PDE6B: variants seen among roughly 807,000 people sequenced by gnomAD.
The protein encoded by PDE6B is rod cGMP-specific 3',5'-cyclic phosphodiesterase subunit beta.
A neutral mutation model predicts 109.0 loss-of-function variants in PDE6B; 106 were observed. The ratio of observed to expected loss-of-function variants is 0.97; its 90% CI spans 0.83 to 1.14. The LOEUF (loss-of-function observed/expected upper bound fraction) is 1.14, where lower values mean the gene tolerates loss of function less well. Among genes scored for constraint, PDE6B ranks in the 50% most tolerant of loss-of-function variants. PDE6B has a pLI of 0.00. For synonymous variants in PDE6B, 490 were observed against 471.3 expected (o/e 1.04, Z -0.51); for missense variants, 1,193 against 1,155.6 (o/e 1.03, Z -0.47).
rs1006707862 is a variant in PDE6B at position 662,267 on chromosome 4, G to T, written c.1722+26G>T. 1.2e-5 allele frequency: 16 copies of T among 1,310,934 alleles called. No individual in the cohort carries two copies. Among genetic ancestry groups the T allele is most frequent in the Non-Finnish European group, 1.4e-5 (13 of 927,126 alleles). The allele number at this position is 1,310,934 out of a possible 1,614,324, so 81.2% of individuals were successfully genotyped here. On this transcript the variant is annotated intron_variant, in intron 13 of 21. Coordinates refer to ENST00000496514, the MANE Select transcript of PDE6B (RefSeq NM_000283.4). This position sits in a 1 kb window ranked among gnomAD's most constrained non-coding sequence, Gnocchi z 4.3. ...GTACGTGGCTGCCAGAATCACCAGG[G>T]TTGTGCAGGCCCTCCTGGTACCAAG...
rs1350929754 is a variant in PDE6B at position 664,117 on chromosome 4, G to T, written c.2025G>T (p.Lys675Asn). The change falls in exon 17 of 22, where the codon AAG (lysine) becomes AAT (asparagine). Residue 675 changes from lysine to asparagine, a missense_variant. Coordinates refer to ENST00000496514, the MANE Select transcript of PDE6B (RefSeq NM_000283.4). ...IATDLALYFKKRAMFQKIVDE... is the reference protein window; with the variant it reads ...IATDLALYFKNRAMFQKIVDE... The stretch of plus-strand genomic sequence containing the variant: ...CTCCCTTGTTCCCTGGGTTCAGGAA[G>T]AGAGCGATGTTTCAGAAGATCGTGG... 2.5e-6 allele frequency: 4 copies of T among 1,602,492 alleles called. No homozygotes were observed. Among genetic ancestry groups the T allele is most frequent in the Admixed American group, 1.7e-5 (1 of 60,008 alleles).
intron 21 of PDE6B, among the ~76,000 whole-genome samples, chr4:669,321 C>A: frequency 7.0e-6 from 1 of 142,614 alleles, no homozygotes; most frequent in Non-Finnish European, 1.5e-5. Context: ...CCATGCTATT[C>A]CCGCTACCCC....
rs753575384 is a variant in PDE6B, at chr4:660,498, A to T, written c.1499A>T (p.Asp500Val). The change falls in exon 12 of 22, where the codon GAC becomes GTC. Residue 500 changes from aspartate (D) to valine (V), a missense_variant. By Grantham distance (152) the Asp-to-Val change is radical. Transcript: ENST00000496514. ...GAGCTGCCAGGGCCCACCACATTTG[A>T]CATCTACGAATTCCACTTCTCTGAC... ...KEELPGPTTF[D>V]IYEFHFSDLE... 6.2e-7 allele frequency: 1 copy of T among 1,613,902 alleles called. No homozygotes were observed. Among genetic ancestry groups the T allele is most frequent in the South Asian group, 1.1e-5 (1 of 91,080 alleles).
intron 3 of PDE6B, among the ~76,000 whole-genome samples, chr4:651,217 G>C (rs886829721): frequency 6.6e-6 from 1 of 151,712 alleles, no homozygotes; most frequent in African/African-American, 2.4e-5. Flanking sequence ...AGGCGGCGAT[G>C]TCAACGGCAG....
At position 638,543 on chromosome 4, in the gene PDE6B, G is replaced by C. The variant is rs181286628; in HGVS notation, c.711+2574G>C. Among the ~76,000 whole-genome samples the C allele has an allele frequency of 1.1e-4, 17 of 152,184 alleles. No homozygotes were observed. In the South Asian group the frequency reaches 3.5e-3, roughly 32 times the overall value. On this transcript the variant is annotated intron_variant, in intron 3 of 21. Coordinates refer to ENST00000496514, the MANE Select transcript of PDE6B (RefSeq NM_000283.4). ...TCACCATGTTGGCCAGGCTGGTCTC[G>C]AACTCCTGACCTCAAATGATCCTCC...
intron 3 of PDE6B, among the ~76,000 whole-genome samples, chr4:641,325 A>G (rs1393420168): frequency 3.3e-5 from 5 of 152,198 alleles, no homozygotes; most frequent in Non-Finnish European, 5.9e-5. Flanking sequence ...TCAAATTCCA[A>G]TTCTTCATTG....
chr4:658,987 C>T lies in PDE6B; in HGVS notation c.1437C>T (p.Asp479=). The T allele has an allele frequency of 6.2e-7, 1 of 1,613,610 alleles. No individual in the cohort carries two copies. Among genetic ancestry groups the T allele is most frequent in the Non-Finnish European group, 8.5e-7 (1 of 1,179,800 alleles). Residue 479 remains aspartate, a synonymous_variant, in exon 11 of 22, where the codon GAC becomes GAT. Transcript: ENST00000496514. ...CGCGCCTGGGGAAGGAGCCTGCTGACTGCGATGAGGACGAGCTGGGCGAAA... is the reference window on the plus strand; with the variant it reads ...CGCGCCTGGGGAAGGAGCCTGCTGATTGCGATGAGGACGAGCTGGGCGAAA... ...TRARLGKEPA[D]CDEDELGEIL... is the part of the protein sequence containing the mutation.
At position 660,456 on chromosome 4, in the gene PDE6B, C is replaced by T; in HGVS notation, c.1468-11C>T. Reference sequence around the variant, plus strand: ...AGGCCAACCTCCCTCAGCCCACAATCCCTCCCACAGAAGGAGGAGCTGCCA... The same window carrying T: ...AGGCCAACCTCCCTCAGCCCACAATTCCTCCCACAGAAGGAGGAGCTGCCA... On this transcript the variant is annotated splice_polypyrimidine_tract_variant and intron_variant, in intron 11 of 21. Coordinates refer to ENST00000496514, the MANE Select transcript of PDE6B (RefSeq NM_000283.4). 6.2e-7 allele frequency: 1 copy of T among 1,613,438 alleles called. No individual in the cohort carries two copies. Among genetic ancestry groups the T allele is most frequent in the African/African-American group, 1.3e-5 (1 of 75,044 alleles).
At chr4:659,526 T>TGC (rs1039354195) in intron 11 of PDE6B, among the ~76,000 whole-genome samples, 2 of 150,142 alleles carry the variant, frequency 1.3e-5, no homozygotes, top group Admixed American at 1.3e-4. Context: ...TAGGTGTGTG[T>TGC]GCACACGTGG....
intron 1 of PDE6B, among the ~76,000 whole-genome samples, chr4:630,526 A>C (rs977119249): frequency 2.0e-5 from 3 of 152,108 alleles, no homozygotes; most frequent in African/African-American, 7.2e-5. Flanking sequence ...AAAAGTAAAC[A>C]TTCCCTGTGG....
rs777799123 is a variant in PDE6B, at chr4:664,194, T to G, written c.2102T>G (p.Leu701Arg). Residue 701 changes from leucine (L) to arginine (R), a missense_variant, in exon 17 of 22, where the codon CTG becomes CGG. By Grantham distance (102) the Leu-to-Arg change is moderately radical (BLOSUM62 -2). Coordinates refer to ENST00000496514, the MANE Select transcript of PDE6B (RefSeq NM_000283.4). ...DKKSWVEYLS[L>R]ETTRKEIVMA... ...AAGAGCTGGGTGGAGTACCTGTCCC[T>G]GGAGACGACCCGGAAGGAGATCGTC... is the stretch of plus-strand genomic sequence containing the variant. 6.2e-7 allele frequency: 1 copy of G among 1,607,296 alleles called. No homozygotes were observed. Among genetic ancestry groups the G allele is most frequent in the Non-Finnish European group, 8.5e-7 (1 of 1,174,236 alleles).
chr4:641,951 G>GT (rs1482657134), intron 3 of PDE6B, among the ~76,000 whole-genome samples: 3 of 152,168 alleles, frequency 2.0e-5, no homozygotes, highest in Admixed American at 6.5e-5. Flanking sequence ...CAAGCCAGGA[G>GT]TTTTTTATTG....
Position 633,868 on chromosome 4 carries a change from T to C in PDE6B, c.469-809T>C, listed in dbSNP as rs188142182. The stretch of plus-strand genomic sequence containing the variant: ...GGACAGAATCCCAGTCACCGGGGGG[T>C]GTCTGGTCTCAGTAACCCTCGCTGT... On this transcript the variant is annotated intron_variant, in intron 1 of 21. Coordinates refer to ENST00000496514, the MANE Select transcript of PDE6B (RefSeq NM_000283.4). This position sits in a 1 kb window ranked among gnomAD's most constrained non-coding sequence, Gnocchi z 4.5. Among the ~76,000 whole-genome samples, 162 of 151,722 alleles carry C rather than the reference T, an allele frequency of 1.1e-3. No individual in the cohort carries two copies. The highest frequency in any genetic ancestry group is 2.5e-3 in the Admixed American group (38 of 15,256).
rs981440365 is a variant in PDE6B at position 651,115 on chromosome 4, G to A, written c.712-2737G>A. 4.0e-5 allele frequency among the ~76,000 whole-genome samples: 6 copies of A among 150,654 alleles called. No homozygotes were observed. The South Asian group carries it at 6.3e-4, about 16-fold the overall frequency. Reference sequence around the variant, plus strand: ...CAGGCGGGGCAGGGGCTGAGGTGGCGATGTCAACAGCAGTGGGGCCGTCAC... The same window carrying A: ...CAGGCGGGGCAGGGGCTGAGGTGGCAATGTCAACAGCAGTGGGGCCGTCAC... On this transcript the variant is annotated intron_variant, in intron 3 of 21. Coordinates refer to ENST00000496514, the MANE Select transcript of PDE6B (RefSeq NM_000283.4).
chr4:635,627 A>C (rs1348212877), intron 2 of PDE6B, among the ~76,000 whole-genome samples: 1 of 148,860 alleles, frequency 6.7e-6, no homozygotes, highest in Non-Finnish European at 1.5e-5. Flanking sequence ...GCTGGGCTCC[A>C]CGTGCTCATC....
chr4:631,138 A>T (rs9998594), intron 1 of PDE6B, among the ~76,000 whole-genome samples: 3,617 of 152,320 alleles, frequency 0.024, 144 homozygotes, highest in African/African-American at 0.083. Flanking sequence ...AGAGACTATG[A>T]AGAAGAGAAG....
chr4:651,202 G>A (rs898327547), intron 3 of PDE6B, among the ~76,000 whole-genome samples: 2 of 151,740 alleles, frequency 1.3e-5, no homozygotes, highest in Non-Finnish European at 2.9e-5. Context: ...GCGGGGCAGG[G>A]GCTGAGGCGG....
chr4:663,719 C>T lies in PDE6B; in HGVS notation c.1921-51C>T. On this transcript the variant is annotated intron_variant, in intron 15 of 21. Transcript: ENST00000496514. The surrounding 1 kb of genome is among the most constrained non-coding windows in gnomAD (Gnocchi z 4.0). ...GCGGAAGGGGCGGGGTCCCCGGGCA[C>T]CCTGAGAGGTGGCCGCAGGGCGCCT... is the stretch of plus-strand genomic sequence containing the variant. The T allele has an allele frequency of 1.4e-6, 2 of 1,401,580 alleles. No homozygotes were observed. The highest frequency in any genetic ancestry group is 1.0e-6 in the Non-Finnish European group (1 of 991,492). The allele number at this position is 1,401,580 out of a possible 1,614,324, so 86.8% of individuals were successfully genotyped here.
At chr4:668,463 C>T (rs1334645115) in intron 21 of PDE6B, among the ~76,000 whole-genome samples, 50 of 124,006 alleles carry the variant, frequency 4.0e-4, no homozygotes, top group Middle Eastern at 6.0e-3. Context: ...CCCCATGCTG[C>T]TCCCACTACC....
Sources: gnomAD v4.1 joint callset for allele counts (sites outside exome capture counted in the v4.1 genomes callset) on GRCh38, gnomAD v4.1.1 for gene constraint, Gnocchi (gnomAD v3.1) non-coding constraint, MANE v1.5 for transcripts, NCBI Gene and HGNC (gene_info 2026-07-23, HGNC 2026-07-21) for gene names.